Variants in TMBIM4 observed in about 807,000 individuals in gnomAD.
TMBIM4 encodes transmembrane BAX inhibitor motif containing 4.
TMBIM4 carries 28 observed loss-of-function variants against 27.7 expected under a neutral mutation model. The ratio of observed to expected loss-of-function variants is 1.01; its 90% confidence interval spans 0.75 to 1.38. The LOEUF (loss-of-function observed/expected upper bound fraction) is 1.38, where lower values mean the gene tolerates loss of function less well. Ranked by LOEUF, TMBIM4 falls within the 40% of genes most tolerant of loss-of-function variation. The pLI is 0.00. For missense variants in TMBIM4, 265 were observed against 277.5 expected (o/e 0.95, Z 0.32); for synonymous variants, 115 against 113.1 (o/e 1.02, Z -0.11).
rs572152922 is a variant in TMBIM4 at position 66,145,736 on chromosome 12, T to C, written c.464+105A>G. ...AGAGATGATCTCTTATTACCCTCCA[T>C]TTTAAAAGACAGTACCCAAAAATAA... On this transcript the variant is annotated intron_variant, in intron 5 of 6. Transcript: ENST00000358230. 4.1e-4 allele frequency: 269 copies of C among 652,726 alleles called. 2 individuals are homozygous for C. In the South Asian group the frequency reaches 5.6e-3, roughly 14 times the overall value. 40.4% of individuals were successfully genotyped at this position (652,726 alleles called of 1,614,324 possible). A position where few individuals can be genotyped will look rare whatever the true frequency, so the allele number is the denominator to read the frequency against.
intron 5 of TMBIM4, among the ~76,000 whole-genome samples, chr12:66,140,166 ACAAT>A (rs2051644280): frequency 6.6e-6 from 1 of 152,216 alleles, no homozygotes; most frequent in Non-Finnish European, 1.5e-5. Context: ...AGGAGAAGAA[ACAAT>A]CAATAGAAAC....
intron 1 of TMBIM4, chr12:66,161,029 C>G (rs984610572): frequency 6.8e-6 from 1 of 148,084 alleles, no homozygotes; most frequent in African/African-American, 2.5e-5. Context: ...CTCCTCACAT[C>G]CCAGTCAGTT....
intron 5 of TMBIM4, among the ~76,000 whole-genome samples, chr12:66,141,575 TA>T (rs879646299): frequency 3.4e-5 from 5 of 146,238 alleles, no homozygotes; most frequent in African/African-American, 5.0e-5. Context: ...CTATGATTTC[TA>T]AAAAAAAAAC....
chr12:66,140,111 A>G (rs996129669), intron 5 of TMBIM4, among the ~76,000 whole-genome samples: 4 of 152,220 alleles, frequency 2.6e-5, no homozygotes, highest in Non-Finnish European at 5.9e-5. Flanking sequence ...CCAATAAAAA[A>G]TTATAAAGGC....
At chr12:66,161,917 A>G (rs1162670170) in intron 1 of TMBIM4, among the ~76,000 whole-genome samples, 1 of 152,216 alleles carries the variant, frequency 6.6e-6, no homozygotes, top group Non-Finnish European at 1.5e-5. Context: ...TATAGTTGGA[A>G]GAGCAGCCAA....
At chr12:66,148,381 C>T (rs1470451230) in intron 3 of TMBIM4, among the ~76,000 whole-genome samples, 1 of 152,138 alleles carries the variant, frequency 6.6e-6, no homozygotes, top group Non-Finnish European at 1.5e-5. Flanking sequence ...TCTCTTTCTT[C>T]CCTAATAACA....
At chr12:66,154,659 A>G (rs1462333260) in intron 1 of TMBIM4, among the ~76,000 whole-genome samples, 1 of 152,190 alleles carries the variant, frequency 6.6e-6, no homozygotes, top group Non-Finnish European at 1.5e-5. Flanking sequence ...GGCAATGCTC[A>G]TGGTAGATGA....
intron 5 of TMBIM4, 127 bp from the exon 6 acceptor site, chr12:66,138,896 A>G: frequency 7.0e-6 from 9 of 1,288,872 alleles, no homozygotes; most frequent in Non-Finnish European, 9.0e-6. Flanking sequence ...AAAATGTAAG[A>G]ATTTGTAAAC....
chr12:66,162,646 A>G (rs568450049), intron 1 of TMBIM4, among the ~76,000 whole-genome samples: 22 of 152,336 alleles, frequency 1.4e-4, no homozygotes, highest in African/African-American at 5.1e-4. Context: ...TCTAGTGCCA[A>G]TGAAGGTTCT....
intron 1 of TMBIM4, chr12:66,160,232 G>A: frequency 1.4e-6 from 1 of 703,276 alleles, no homozygotes; most frequent in Non-Finnish European, 2.6e-6. Context: ...AAAATCTGAT[G>A]ATATTCAGTG....
chr12:66,138,784 T>C lies in TMBIM4; in HGVS notation c.465-15A>G, dbSNP rs373606265. The C allele has an allele frequency of 8.3e-5, 127 of 1,528,378 alleles. No individual in the cohort carries two copies. Among genetic ancestry groups the C allele is most frequent in the Non-Finnish European group, 1.1e-4 (122 of 1,146,950 alleles). The allele number at this position is 1,528,378 out of a possible 1,614,324, so 94.7% of individuals were successfully genotyped here. A position where few individuals can be genotyped will look rare whatever the true frequency, so the allele number is the denominator to read the frequency against. On this transcript the variant is annotated splice_polypyrimidine_tract_variant and intron_variant, in intron 5 of 6. Transcript: ENST00000358230. ...GAGCAAACAGCCTATAAAAATACAATTTTAGTAATTTGCAATATTGTTCCT... is the reference window on the plus strand; with the variant it reads ...GAGCAAACAGCCTATAAAAATACAACTTTAGTAATTTGCAATATTGTTCCT...
chr12:66,155,131 T>C (rs2051910106), intron 1 of TMBIM4, among the ~76,000 whole-genome samples: 1 of 152,162 alleles, frequency 6.6e-6, no homozygotes, highest in Admixed American at 6.5e-5. Flanking sequence ...ACAATGTTAT[T>C]TGGGATATCT....
intron 1 of TMBIM4, among the ~76,000 whole-genome samples, chr12:66,159,781 T>C (rs746455946): frequency 2.0e-5 from 3 of 152,198 alleles, no homozygotes; most frequent in Non-Finnish European, 4.4e-5. Flanking sequence ...GGGTTATTTA[T>C]TGCTTACCTC....
intron 5 of TMBIM4, among the ~76,000 whole-genome samples, chr12:66,140,321 C>T (rs1268895719): frequency 6.6e-5 from 10 of 151,748 alleles, no homozygotes; most frequent in Admixed American, 5.9e-4. Flanking sequence ...ACAAATTGAA[C>T]TGAACTTTAA....
chr12:66,163,132 T>C (rs935382263), intron 1 of TMBIM4, among the ~76,000 whole-genome samples: 1 of 152,208 alleles, frequency 6.6e-6, no homozygotes, highest in African/African-American at 2.4e-5. Context: ...CCTCTACTCA[T>C]TTAACTTGCT....
At chr12:66,144,541 T>C (rs1220800800) in intron 5 of TMBIM4, among the ~76,000 whole-genome samples, 1 of 152,144 alleles carries the variant, frequency 6.6e-6, no homozygotes, top group Non-Finnish European at 1.5e-5. Context: ...CTTTGCTGAT[T>C]TGTAGTCTAA....
At chr12:66,169,634 G>A (rs1376870146) in intron 1 of TMBIM4, 1 of 457,214 alleles carries the variant, frequency 2.2e-6, no homozygotes, top group African/African-American at 2.0e-5. Context: ...TTCTGGGCCT[G>A]GCGCCCTCCC....
At chr12:66,154,432 TAAAC>T (rs1372533332) in intron 1 of TMBIM4, among the ~76,000 whole-genome samples, 2 of 152,246 alleles carry the variant, frequency 1.3e-5, no homozygotes, top group Non-Finnish European at 2.9e-5. Flanking sequence ...TGGCATTGCA[TAAAC>T]AGTCGTTAAA....
At chr12:66,139,625 A>G (rs1428393035) in intron 5 of TMBIM4, 1 of 455,938 alleles carries the variant, frequency 2.2e-6, no homozygotes, top group African/African-American at 2.0e-5. Flanking sequence ...GAGGTCAGGG[A>G]AGCCAAGGTA....
Sources: gnomAD v4.1 joint callset for allele counts (sites outside exome capture counted in the v4.1 genomes callset) on GRCh38, gnomAD v4.1.1 for gene constraint, MANE v1.5 for transcripts, NCBI Gene and HGNC (gene_info 2026-07-23, HGNC 2026-07-21) for gene names.